The following TMCO5A variants were observed in gnomAD, a reference collection of about 807,000 sequenced individuals.
TMCO5A encodes transmembrane and coiled-coil domain-containing protein 5A.
In TMCO5A, 34 loss-of-function variants were observed where a neutral mutation model predicts 42.3. The ratio of observed to expected loss-of-function variants is 0.80; its 90% CI spans 0.61 to 1.07. TMCO5A has a LOEUF of 1.07. Among genes scored for constraint, TMCO5A ranks in the 50% least tolerant of loss-of-function variants. The probability of loss-of-function intolerance (pLI) is 0.00; values close to 1 mark genes in which losing one functional copy is unlikely to be tolerated. For missense variants in TMCO5A, 357 were observed against 327.9 expected (o/e 1.09, Z -0.69); for synonymous variants, 131 against 115.6 (o/e 1.13, Z -0.86).
At chr15:37,937,466 G>T in intron 5 of TMCO5A, 70 bp downstream of exon 5, 1 of 1,548,054 alleles carries the variant, frequency 6.5e-7, no homozygotes. Flanking sequence ...CAAGGTTTGG[G>T]GGAAGTGATC....
intron 10 of TMCO5A, among the ~76,000 whole-genome samples, chr15:37,947,362 T>C (rs12442232): frequency 1.3e-5 from 2 of 151,908 alleles, no homozygotes; most frequent in Middle Eastern, 3.4e-3. Context: ...GGAGTCAGAG[T>C]ATCCAGGTTC....
At chr15:37,959,986 G>T (rs923765925) in intron 11 of TMCO5A, among the ~76,000 whole-genome samples, 1 of 151,876 alleles carries the variant, frequency 6.6e-6, no homozygotes, top group South Asian at 2.1e-4. Flanking sequence ...AAAGTTGCAG[G>T]ATACAAAATC....
chr15:37,976,415 G>A, the TMCO5A span, among the ~76,000 whole-genome samples: 1 of 152,058 alleles, frequency 6.6e-6, no homozygotes, highest in African/African-American at 2.4e-5. Flanking sequence ...GTATGTCACA[G>A]GGGTTCTCTG....
chr15:38,039,793 C>T, the TMCO5A span, among the ~76,000 whole-genome samples: 1 of 152,220 alleles, frequency 6.6e-6, no homozygotes, highest in South Asian at 2.1e-4. Flanking sequence ...CAAATTGCCA[C>T]AAACTTAGCT....
chr15:38,039,043 T>A, the TMCO5A span, among the ~76,000 whole-genome samples: 1 of 152,176 alleles, frequency 6.6e-6, no homozygotes, highest in South Asian at 2.1e-4. Flanking sequence ...GACAAAATGA[T>A]ATGACAAGGA....
At chr15:37,939,609 T>C (rs192410164) in intron 6 of TMCO5A, among the ~76,000 whole-genome samples, 2 of 152,230 alleles carry the variant, frequency 1.3e-5, no homozygotes, top group African/African-American at 2.4e-5. Flanking sequence ...ATAATGGCCA[T>C]TATTTTGCTG....
downstream of TMCO5A, among the ~76,000 whole-genome samples, chr15:37,952,731 GT>G (rs1281077540): frequency 1.3e-5 from 2 of 152,194 alleles, no homozygotes; most frequent in African/African-American, 4.8e-5. Flanking sequence ...CTTGGTCACA[GT>G]GAGGTAGAGC....
chr15:38,028,044 C>T, the TMCO5A span, among the ~76,000 whole-genome samples: 180 of 152,200 alleles, frequency 1.2e-3, no homozygotes, highest in Admixed American at 2.4e-3. Flanking sequence ...ATAATAGGTA[C>T]TCAATATACA....
chr15:37,941,434 GT>G (rs138111782), intron 7 of TMCO5A, among the ~76,000 whole-genome samples: 2,492 of 151,952 alleles, frequency 0.016, 77 homozygotes, highest in African/African-American at 0.057. Flanking sequence ...GCAAATATTA[GT>G]TATCTATCTA....
chr15:38,023,823 G>GA, the TMCO5A span, among the ~76,000 whole-genome samples: 649 of 152,282 alleles, frequency 4.3e-3, 7 homozygotes, highest in African/African-American at 0.015. Flanking sequence ...ATAACTTACA[G>GA]AAAAGGATTT....
the TMCO5A span, among the ~76,000 whole-genome samples, chr15:38,030,379 A>G: frequency 6.6e-6 from 1 of 152,178 alleles, no homozygotes. Context: ...ACCAGATTCT[A>G]TTCAGTTTAA....
chr15:38,018,068 C>T, the TMCO5A span, among the ~76,000 whole-genome samples: 1 of 152,156 alleles, frequency 6.6e-6, no homozygotes, highest in Admixed American at 6.6e-5. Flanking sequence ...CTCTTTTCTT[C>T]ATAAGTCACC....
intron 3 of TMCO5A, 79 bp from the exon 4 acceptor site, chr15:37,936,768 C>T (rs907264917): frequency 1.3e-4 from 209 of 1,580,090 alleles, no homozygotes; most frequent in Admixed American, 1.1e-3. Context: ...CTGAAGTTCC[C>T]TTATATCTGA....
the TMCO5A span, among the ~76,000 whole-genome samples, chr15:38,001,223 T>G: frequency 5.9e-5 from 9 of 152,126 alleles, no homozygotes; most frequent in African/African-American, 1.9e-4. Flanking sequence ...TATATCCTCT[T>G]GCTGCATTGA....
intron 11 of TMCO5A, among the ~76,000 whole-genome samples, chr15:37,966,286 G>T (rs868220826): frequency 1.6e-4 from 24 of 146,590 alleles, no homozygotes; most frequent in Admixed American, 1.0e-3. Context: ...ATGCTTAGTG[G>T]TTTTTTTTTT....
At chr15:38,019,039 G>A in the TMCO5A span, among the ~76,000 whole-genome samples, 1 of 152,208 alleles carries the variant, frequency 6.6e-6, no homozygotes, top group South Asian at 2.1e-4. Context: ...GACTCAGATA[G>A]TATACCACCC....
chr15:38,021,035 C>T, the TMCO5A span, among the ~76,000 whole-genome samples: 1 of 152,024 alleles, frequency 6.6e-6, no homozygotes, highest in Non-Finnish European at 1.5e-5. Context: ...AATTTGCATT[C>T]CGGGTATTTA....
the TMCO5A span, among the ~76,000 whole-genome samples, chr15:37,998,251 G>A: frequency 6.6e-6 from 1 of 152,142 alleles, no homozygotes; most frequent in African/African-American, 2.4e-5. Context: ...GTGCTTGTGG[G>A]ATATTACTCA....
chr15:37,958,197 A>G (rs962322751), intron 11 of TMCO5A, among the ~76,000 whole-genome samples: 2 of 152,212 alleles, frequency 1.3e-5, no homozygotes, highest in African/African-American at 2.4e-5. Context: ...CTTCATGACT[A>G]AAACACCAAA....
Sources: allele counts gnomAD v4.1 joint callset (sites outside exome capture counted in the v4.1 genomes callset), GRCh38; gene constraint gnomAD v4.1.1; transcripts MANE v1.5; gene names NCBI Gene and HGNC (gene_info 2026-07-23, HGNC 2026-07-21).